The following FUT8 variants were observed in gnomAD, a reference collection of about 807,000 sequenced individuals.
FUT8 encodes alpha-(1,6)-fucosyltransferase.
In FUT8, 29 loss-of-function variants were observed where a neutral mutation model predicts 71.3. The ratio of observed to expected loss-of-function variants is 0.41; its 90% CI spans 0.30 to 0.55. FUT8 has a LOEUF of 0.55. Among genes scored for constraint, FUT8 ranks in the 20% least tolerant of loss-of-function variants. FUT8 has a pLI of 0.34. For missense variants in FUT8, 544 were observed against 702.1 expected (o/e 0.77, Z 2.55); for synonymous variants, 254 against 239.3 (o/e 1.06, Z -0.57).
chr14:65,382,252 T>G, the FUT8 span, among the ~76,000 whole-genome samples: 4 of 152,226 alleles, frequency 2.6e-5, no homozygotes, highest in Non-Finnish European at 4.4e-5. Flanking sequence ...GATTAGTGCT[T>G]CTCAATCTGG....
intron 6 of FUT8, among the ~76,000 whole-genome samples, chr14:65,653,279 T>C (rs1464473423): frequency 1.3e-5 from 2 of 152,190 alleles, no homozygotes; most frequent in Non-Finnish European, 2.9e-5. Flanking sequence ...CAGTGCCTTA[T>C]ATACACCTCT....
intron 5 of FUT8, among the ~76,000 whole-genome samples, chr14:65,617,596 G>A (rs1425053194): frequency 1.3e-5 from 2 of 152,160 alleles, no homozygotes; most frequent in Non-Finnish European, 1.5e-5. Flanking sequence ...AGACTATGCT[G>A]TATGTAAAGG....
At chr14:65,580,070 T>TTATATA (rs59069113) in intron 3 of FUT8, among the ~76,000 whole-genome samples, 24,851 of 142,484 alleles carry the variant, frequency 0.17, 2,550 homozygotes, top group East Asian at 0.38. Flanking sequence ...GTGCTATATT[T>TTATATA]TATATATATA....
At chr14:65,420,916 C>A (rs1163216653) in intron 1 of FUT8, among the ~76,000 whole-genome samples, 3 of 152,078 alleles carry the variant, frequency 2.0e-5, no homozygotes, top group Non-Finnish European at 4.4e-5. Flanking sequence ...AATCATAGGC[C>A]GGGCGCCGTG....
At chr14:65,721,281 T>C (rs184326761) in intron 7 of FUT8, among the ~76,000 whole-genome samples, 3 of 152,312 alleles carry the variant, frequency 2.0e-5, no homozygotes, top group Admixed American at 2.0e-4. Flanking sequence ...CTAATTTTTT[T>C]CTTTAAAAGA....
In FUT8 at chr14:65,472,437, A is replaced by C. The variant is rs2139640439; in HGVS notation, c.-228+16719A>C. On this transcript the variant is annotated intron_variant, in intron 2 of 10. Transcript: ENST00000673929. The surrounding 1 kb of genome is among the most constrained non-coding windows in gnomAD (Gnocchi z 4.4). ...GAGATCAAATTTCAACAGGAGGGACAATCATCTAAGTGATAGCATAGACTC... is the reference window on the plus strand; with the variant it reads ...GAGATCAAATTTCAACAGGAGGGACCATCATCTAAGTGATAGCATAGACTC... Among the ~76,000 whole-genome samples the C allele has an allele frequency of 6.6e-6, 1 of 152,266 alleles. No individual in the cohort carries two copies. The highest frequency in any genetic ancestry group is 6.5e-5 in the Admixed American group (1 of 15,300).
chr14:65,633,096 C>T (rs1890294141), intron 6 of FUT8, among the ~76,000 whole-genome samples: 2 of 150,238 alleles, frequency 1.3e-5, no homozygotes, highest in African/African-American at 4.9e-5. Context: ...CTGCTGCCAT[C>T]TCGGCTCACT....
chr14:65,435,922 CTTT>C (rs374407475), intron 1 of FUT8, among the ~76,000 whole-genome samples: 18 of 121,904 alleles, frequency 1.5e-4, no homozygotes, highest in South Asian at 2.6e-4. Flanking sequence ...GATATCTTCC[CTTT>C]TTTTTTTTTT....
At chr14:65,686,231 T>C in intron 7 of FUT8, among the ~76,000 whole-genome samples, 1 of 152,254 alleles carries the variant, frequency 6.6e-6, no homozygotes, top group East Asian at 1.9e-4. Flanking sequence ...TTTTGGCAGC[T>C]GGCTTTATTT....
intron 5 of FUT8, among the ~76,000 whole-genome samples, chr14:65,624,016 A>G (rs1336567578): frequency 1.3e-5 from 2 of 152,224 alleles, no homozygotes; most frequent in African/African-American, 2.4e-5. Context: ...TTGAGTCACT[A>G]TGGTTCCCTT....
chr14:65,632,790 C>T (rs919561936), intron 6 of FUT8, among the ~76,000 whole-genome samples: 1 of 152,272 alleles, frequency 6.6e-6, no homozygotes. Flanking sequence ...AAATCCTTGG[C>T]TATGCCAGTG....
intron 8 of FUT8, among the ~76,000 whole-genome samples, chr14:65,722,581 A>G (rs1895472010): frequency 6.6e-6 from 1 of 152,234 alleles, no homozygotes; most frequent in African/African-American, 2.4e-5. Context: ...GTGAAGTCAG[A>G]ATATCAAATC....
At chr14:65,481,354 T>C (rs2066327828) in intron 2 of FUT8, among the ~76,000 whole-genome samples, 1 of 152,212 alleles carries the variant, frequency 6.6e-6, no homozygotes. Context: ...TCACGTGAAC[T>C]CCTTTTTAAG....
At chr14:65,609,974 T>A (rs1458485486) in intron 3 of FUT8, among the ~76,000 whole-genome samples, 3 of 151,918 alleles carry the variant, frequency 2.0e-5, no homozygotes, top group African/African-American at 7.2e-5. Flanking sequence ...TTTTTTGCTA[T>A]TGTAACTAAT....
chr14:65,504,288 A>G (rs192029512), intron 2 of FUT8, among the ~76,000 whole-genome samples: 3 of 152,222 alleles, frequency 2.0e-5, no homozygotes, highest in Non-Finnish European at 4.4e-5. Flanking sequence ...TATTTGTCCA[A>G]TCTTTGCTTC....
intron 6 of FUT8, among the ~76,000 whole-genome samples, chr14:65,642,166 C>A (rs1019713013): frequency 6.6e-6 from 1 of 152,242 alleles, no homozygotes; most frequent in African/African-American, 2.4e-5. Context: ...TTAGCTCTTA[C>A]ATTTAGGTCT....
intron 1 of FUT8, among the ~76,000 whole-genome samples, chr14:65,437,660 C>T (rs1358429104): frequency 1.3e-5 from 2 of 152,132 alleles, no homozygotes; most frequent in East Asian, 3.9e-4. Context: ...ATTTGAGGTC[C>T]CAGAGTATTT....
At chr14:65,573,003 C>T (rs1801628583) in intron 3 of FUT8, among the ~76,000 whole-genome samples, 1 of 151,982 alleles carries the variant, frequency 6.6e-6, no homozygotes, top group Non-Finnish European at 1.5e-5. Flanking sequence ...ACACATTTAC[C>T]ATTGAAAACC....
At chr14:65,666,586 G>C (rs1324112406) in intron 6 of FUT8, among the ~76,000 whole-genome samples, 1 of 151,870 alleles carries the variant, frequency 6.6e-6, no homozygotes, top group Admixed American at 6.6e-5. Flanking sequence ...GCTAAATTCT[G>C]CCATACGTAT....
Sources: allele counts gnomAD v4.1 joint callset (sites outside exome capture counted in the v4.1 genomes callset), GRCh38; gene constraint gnomAD v4.1.1; non-coding constraint Gnocchi (gnomAD v3.1); transcripts MANE v1.5; gene names NCBI Gene and HGNC (gene_info 2026-07-23, HGNC 2026-07-21).